CSMD1: variants seen among roughly 807,000 people sequenced by gnomAD.
CSMD1 encodes CUB and sushi domain-containing protein 1.
Under a neutral mutation model 417.5 loss-of-function variants are expected in CSMD1, and 213 were observed. That is an observed-to-expected ratio of 0.51 (90% confidence interval 0.46 to 0.57). The LOEUF is 0.57. Ranked by LOEUF, CSMD1 falls within the 20% of genes least tolerant of loss-of-function variation. The pLI is 0.00. For synonymous variants in CSMD1, 2,862 were observed against 1,736.8 expected (o/e 1.65, Z -16.11); for missense variants, 6,923 against 4,529.7 (o/e 1.53, Z -15.17).
intron 5 of CSMD1, among the ~76,000 whole-genome samples, chr8:3,789,473 C>T (rs534134011): frequency 5.3e-4 from 66 of 124,448 alleles, no homozygotes; most frequent in African/African-American, 2.0e-3. Flanking sequence ...AGGGACAAAA[C>T]TTTAACAGGA....
chr8:4,286,463 C>T (rs549606993), intron 3 of CSMD1, among the ~76,000 whole-genome samples: 14 of 152,148 alleles, frequency 9.2e-5, no homozygotes, highest in African/African-American at 3.4e-4. Context: ...ATGAATTACC[C>T]ATTGTGCCTC....
Position 3,701,387 on chromosome 8 carries a change from A to G in CSMD1, c.1009+7027T>C, listed in dbSNP as rs959422435. 2.6e-5 allele frequency among the ~76,000 whole-genome samples: 4 copies of G among 152,164 alleles called. 1 individual carries two copies. On this transcript the variant is annotated intron_variant, in intron 7 of 69. Transcript: ENST00000635120. ...CTTTGTCTCAGCTTCTACAGATCCC[A>G]GAGAGAGAACAGTTGCGAAAGTCTG...
intron 1 of CSMD1, among the ~76,000 whole-genome samples, chr8:4,742,504 A>T (rs190310954): frequency 6.6e-6 from 1 of 152,220 alleles, no homozygotes; most frequent in Admixed American, 6.5e-5. Context: ...ATATACACAC[A>T]TGTACATAGA....
intron 1 of CSMD1, among the ~76,000 whole-genome samples, chr8:4,644,966 G>A (rs6981517): frequency 0.012 from 1,859 of 152,288 alleles, 42 homozygotes; most frequent in African/African-American, 0.043. Context: ...CACACTCATA[G>A]GGAAGCAGGG....
At chr8:3,557,593 C>G (rs1799212631) in intron 10 of CSMD1, among the ~76,000 whole-genome samples, 1 of 152,214 alleles carries the variant, frequency 6.6e-6, no homozygotes, top group South Asian at 2.1e-4. Flanking sequence ...CCCCAACAGC[C>G]TCTCACTGCT....
chr8:4,591,960 G>A (rs1397401470), intron 2 of CSMD1, among the ~76,000 whole-genome samples: 1 of 152,078 alleles, frequency 6.6e-6, no homozygotes, highest in East Asian at 1.9e-4. Context: ...CAAACGCCTA[G>A]ATAGATGGAG....
At chr8:4,485,014 A>T (rs922487227) in intron 2 of CSMD1, among the ~76,000 whole-genome samples, 2 of 129,646 alleles carry the variant, frequency 1.5e-5, no homozygotes, top group African/African-American at 5.5e-5. Flanking sequence ...AAAAAAAAAA[A>T]AAAAAAGAAA....
At chr8:4,086,214 A>G (rs1280419014) in intron 3 of CSMD1, among the ~76,000 whole-genome samples, 1 of 152,180 alleles carries the variant, frequency 6.6e-6, no homozygotes, top group Non-Finnish European at 1.5e-5. Context: ...AAAGTATCAC[A>G]TCACTCTTCT....
chr8:4,725,049 T>C (rs1809334829), intron 1 of CSMD1, among the ~76,000 whole-genome samples: 1 of 152,164 alleles, frequency 6.6e-6, no homozygotes, highest in African/African-American at 2.4e-5. Context: ...ATTTTAAACA[T>C]AAAAGGGGAA....
At chr8:4,540,286 A>T (rs1409264788) in intron 2 of CSMD1, among the ~76,000 whole-genome samples, 1 of 152,166 alleles carries the variant, frequency 6.6e-6, no homozygotes, top group African/African-American at 2.4e-5. Flanking sequence ...CTGCCCATAA[A>T]CATCTCACCA....
At position 4,755,015 on chromosome 8, in the gene CSMD1, G is replaced by C. The variant is rs150901226; in HGVS notation, c.86-117457C>G. ...CAGCCGGGCATGGTGGCATGTGCCT[G>C]TGATCCCAGCTACTTGGGAGGCTGA... On this transcript the variant is annotated intron_variant, in intron 1 of 69. Transcript: ENST00000635120. 2.9e-3 allele frequency among the ~76,000 whole-genome samples: 440 copies of C among 152,226 alleles called. 4 individuals are homozygous for C. Among genetic ancestry groups the C allele is most frequent in the African/African-American group, 0.01 (427 of 41,530 alleles).
chr8:4,224,266 C>G (rs537281057), intron 3 of CSMD1, among the ~76,000 whole-genome samples: 1 of 152,050 alleles, frequency 6.6e-6, no homozygotes, highest in Non-Finnish European at 1.5e-5. Context: ...TGCTTGCACA[C>G]GTTTTTCCAT....
chr8:4,617,887 C>A (rs1026231081), intron 2 of CSMD1, among the ~76,000 whole-genome samples: 1 of 152,146 alleles, frequency 6.6e-6, no homozygotes, highest in Non-Finnish European at 1.5e-5. Context: ...ACCCCAGAAC[C>A]TGGACCAATG....
chr8:3,985,206 G>C (rs937799159), intron 5 of CSMD1, among the ~76,000 whole-genome samples: 4 of 152,106 alleles, frequency 2.6e-5, no homozygotes, highest in Admixed American at 6.5e-5. Context: ...AAACTAGAAG[G>C]TATCTGAGAA....
chr8:2,978,744 T>A lies in CSMD1; in HGVS notation c.8434A>T (p.Asn2812Tyr), dbSNP rs201457397. ...VENAIRHGQQNFPESFEYGMS... is the reference protein window; with the variant it reads ...VENAIRHGQQYFPESFEYGMS... ...CCATACTCAAAACTCTCAGGGAAGT[T>A]CTGTTGCCCGTGACGAATGGCATTT... Residue 2812 changes from asparagine (N) to tyrosine (Y), a missense_variant, in exon 55 of 70, where the codon AAC (asparagine) becomes TAC (tyrosine). Asn to Tyr is a moderately radical substitution (Grantham distance 143). Transcript: ENST00000635120. 2.9e-5 allele frequency: 46 copies of A among 1,613,506 alleles called. No individual in the cohort carries two copies. Among genetic ancestry groups the A allele is most frequent in the Non-Finnish European group, 3.9e-5 (46 of 1,179,768 alleles).
intron 7 of CSMD1, among the ~76,000 whole-genome samples, chr8:3,626,922 T>C (rs1234798815): frequency 6.6e-6 from 1 of 150,946 alleles, no homozygotes; most frequent in Non-Finnish European, 1.5e-5. Context: ...CTTTATTAAA[T>C]ATTAGTATAT....
chr8:4,045,579 G>C (rs1363618465), intron 3 of CSMD1, among the ~76,000 whole-genome samples: 3 of 152,274 alleles, frequency 2.0e-5, no homozygotes, highest in Non-Finnish European at 2.9e-5. Flanking sequence ...CAATGCTTTA[G>C]AATGAAAGAA....
chr8:4,660,045 T>C (rs1804492416), intron 1 of CSMD1, among the ~76,000 whole-genome samples: 1 of 149,192 alleles, frequency 6.7e-6, no homozygotes, highest in Non-Finnish European at 1.5e-5. Flanking sequence ...CATGATTTTC[T>C]CCTAAGATTG....
intron 1 of CSMD1, among the ~76,000 whole-genome samples, chr8:4,928,811 T>C (rs1171523705): frequency 6.6e-6 from 1 of 152,132 alleles, no homozygotes; most frequent in Non-Finnish European, 1.5e-5. Flanking sequence ...GGCTCACTCC[T>C]GTAATCACAG....
Sources: gnomAD v4.1 joint callset for allele counts (sites outside exome capture counted in the v4.1 genomes callset) on GRCh38, gnomAD v4.1.1 for gene constraint, MANE v1.5 for transcripts, NCBI Gene and HGNC (gene_info 2026-07-23, HGNC 2026-07-21) for gene names.